The following IMMP2L variants were observed in gnomAD, a reference collection of about 807,000 sequenced individuals.
IMMP2L encodes inner mitochondrial membrane peptidase subunit 2.
A neutral mutation model predicts 19.3 loss-of-function variants in IMMP2L; 18 were observed. The ratio of observed to expected loss-of-function variants is 0.93; its 90% confidence interval spans 0.64 to 1.38. The LOEUF (loss-of-function observed/expected upper bound fraction) is 1.38. IMMP2L is among the 40% of genes most tolerant of loss of function. IMMP2L has a pLI of 0.00. For synonymous variants in IMMP2L, 76 were observed against 73.0 expected (o/e 1.04, Z -0.21); for missense variants, 233 against 218.2 (o/e 1.07, Z -0.43).
intron 3 of IMMP2L, among the ~76,000 whole-genome samples, chr7:111,036,386 G>C (rs1377259844): frequency 6.6e-6 from 1 of 152,118 alleles, no homozygotes; most frequent in Non-Finnish European, 1.5e-5. Context: ...TAAAATAAAA[G>C]TGTTCGCATT....
chr7:110,707,094 C>T (rs1430879160), intron 5 of IMMP2L, among the ~76,000 whole-genome samples: 4 of 93,134 alleles, frequency 4.3e-5, no homozygotes, highest in African/African-American at 8.8e-5. Flanking sequence ...CATGCTGGTG[C>T]GCTGCACCCA....
rs541634035 is a variant in IMMP2L at position 111,042,704 on chromosome 7, T to A, written c.240-79139A>T. Among the ~76,000 whole-genome samples, 4 of 152,344 alleles carry A rather than the reference T, an allele frequency of 2.6e-5. No individual in the cohort carries two copies. In the East Asian group the frequency reaches 7.7e-4, roughly 29 times the overall value. On this transcript the variant is annotated intron_variant, in intron 3 of 5. Coordinates refer to ENST00000405709, the MANE Select transcript of IMMP2L (RefSeq NM_032549.4). Reference sequence around the variant, plus strand: ...TAAGAGCTTAGTGAATAGCATGGTCTGCTCTGCCACAATAGATGACTAACA... The same window carrying A: ...TAAGAGCTTAGTGAATAGCATGGTCAGCTCTGCCACAATAGATGACTAACA...
chr7:111,398,847 T>C (rs1833137043), intron 3 of IMMP2L, among the ~76,000 whole-genome samples: 1 of 137,156 alleles, frequency 7.3e-6, no homozygotes, highest in African/African-American at 2.8e-5. Flanking sequence ...AAGCAGAGAA[T>C]CAAATAAAGA....
intron 5 of IMMP2L, among the ~76,000 whole-genome samples, chr7:110,806,148 A>C (rs1187759219): frequency 6.6e-6 from 1 of 152,004 alleles, no homozygotes; most frequent in Non-Finnish European, 1.5e-5. Flanking sequence ...AAATCCATGA[A>C]ATTACTAGAA....
rs75466568 is a variant in IMMP2L at position 111,542,056 on chromosome 7, G to A, written c.-3+19795C>T. ...CAGCCAAAATCATATCAACATTTTCGTATATTTTGGATATTAACCTCAGTA... is the reference window on the plus strand; with the variant it reads ...CAGCCAAAATCATATCAACATTTTCATATATTTTGGATATTAACCTCAGTA... On this transcript the variant is annotated intron_variant, in intron 1 of 5. Coordinates refer to ENST00000405709, the MANE Select transcript of IMMP2L (RefSeq NM_032549.4). Among the ~76,000 whole-genome samples, 10 of 151,994 alleles carry A rather than the reference G, an allele frequency of 6.6e-5. No homozygotes were observed. The East Asian group carries it at 1.2e-3, about 18-fold the overall frequency.
intron 3 of IMMP2L, among the ~76,000 whole-genome samples, chr7:111,107,595 T>A (rs1563249902): frequency 6.6e-6 from 1 of 152,138 alleles, no homozygotes; most frequent in East Asian, 1.9e-4. Flanking sequence ...TTTTACTTTA[T>A]CTGAATAGAA....
chr7:111,396,981 A>G (rs37678), intron 3 of IMMP2L, among the ~76,000 whole-genome samples: 20,452 of 151,790 alleles, frequency 0.13, 2,186 homozygotes, highest in African/African-American at 0.3. Context: ...CCAGCTACTC[A>G]GGAGGCTGAC....
intron 4 of IMMP2L, among the ~76,000 whole-genome samples, chr7:110,912,587 G>GT (rs76245503): frequency 0.012 from 1,779 of 145,224 alleles, 21 homozygotes; most frequent in African/African-American, 0.037. Flanking sequence ...CACATTTAAA[G>GT]TTTTTTTTTT....
intron 5 of IMMP2L, among the ~76,000 whole-genome samples, chr7:110,852,847 ATAATT>A (rs1445965614): frequency 6.6e-6 from 1 of 152,070 alleles, no homozygotes; most frequent in Non-Finnish European, 1.5e-5. Context: ...CACAGCCAGC[ATAATT>A]TGTCAGAAAC....
chr7:110,902,496 A>G (rs1811984628), intron 4 of IMMP2L, among the ~76,000 whole-genome samples: 1 of 149,054 alleles, frequency 6.7e-6, no homozygotes, highest in Non-Finnish European at 1.5e-5. Context: ...ATATATATAT[A>G]TATATAGTAT....
chr7:111,016,856 TATATAATATATTAC>T (rs1563163360), intron 3 of IMMP2L, among the ~76,000 whole-genome samples: 2 of 87,644 alleles, frequency 2.3e-5, no homozygotes, highest in African/African-American at 9.7e-5. Flanking sequence ...TAATATATAT[TATATAATATATTAC>T]ATATAATATA....
intron 3 of IMMP2L, among the ~76,000 whole-genome samples, chr7:111,220,583 T>TGGAC (rs1812405828): frequency 6.7e-6 from 1 of 149,936 alleles, no homozygotes; most frequent in Admixed American, 6.7e-5. Context: ...ACATGATGGA[T>TGGAC]GGATGGATGG....
chr7:110,674,041 G>T (rs774564991), intron 5 of IMMP2L, among the ~76,000 whole-genome samples: 1 of 152,162 alleles, frequency 6.6e-6, no homozygotes, highest in Non-Finnish European at 1.5e-5. Context: ...TTCTCATGCT[G>T]CTAATAAAGA....
At chr7:111,322,808 G>C (rs1370072338) in intron 3 of IMMP2L, among the ~76,000 whole-genome samples, 1 of 151,506 alleles carries the variant, frequency 6.6e-6, no homozygotes, top group Non-Finnish European at 1.5e-5. Flanking sequence ...CTTCTCCAAA[G>C]AAAATCCATA....
intron 3 of IMMP2L, among the ~76,000 whole-genome samples, chr7:111,306,078 A>G (rs770098262): frequency 2.0e-5 from 3 of 152,332 alleles, no homozygotes; most frequent in Non-Finnish European, 4.4e-5. Flanking sequence ...TTATATCAAA[A>G]TGTGTGCAAT....
At chr7:111,317,731 AT>A (rs1213055498) in intron 3 of IMMP2L, among the ~76,000 whole-genome samples, 3 of 151,984 alleles carry the variant, frequency 2.0e-5, no homozygotes, top group African/African-American at 7.3e-5. Flanking sequence ...GAGGGTGTTG[AT>A]TTTGTTGTTG....
intron 3 of IMMP2L, among the ~76,000 whole-genome samples, chr7:111,392,311 A>G (rs923441302): frequency 7.9e-5 from 12 of 152,152 alleles, no homozygotes; most frequent in Non-Finnish European, 1.8e-4. Flanking sequence ...AAATGTACAG[A>G]AGCTACAATA....
chr7:111,427,606 C>A (rs1269747466), intron 3 of IMMP2L, among the ~76,000 whole-genome samples: 1 of 151,744 alleles, frequency 6.6e-6, no homozygotes, highest in Non-Finnish European at 1.5e-5. Flanking sequence ...TGATCCAACT[C>A]AATAAACCTT....
intron 5 of IMMP2L, among the ~76,000 whole-genome samples, chr7:110,718,653 G>C (rs184128880): frequency 6.6e-6 from 1 of 152,138 alleles, no homozygotes; most frequent in Admixed American, 6.5e-5. Context: ...TAACTGAAGC[G>C]CTTTAGCATT....
Sources: allele counts gnomAD v4.1 joint callset (sites outside exome capture counted in the v4.1 genomes callset), GRCh38; gene constraint gnomAD v4.1.1; transcripts MANE v1.5; gene names NCBI Gene and HGNC (gene_info 2026-07-23, HGNC 2026-07-21).